The following FAT3 variants were observed in gnomAD, a reference collection of about 807,000 sequenced individuals.
FAT3 encodes the protein protocadherin Fat 3.
In FAT3, 95 loss-of-function variants were observed where a neutral mutation model predicts 310.2. The observed-to-expected ratio is 0.31, with a 90% confidence interval of 0.26 to 0.36. FAT3 has a LOEUF of 0.36. FAT3 is among the 10% of genes least tolerant of loss of function. The pLI is 1.00. For missense variants in FAT3, 5,408 were observed against 5,715.6 expected (o/e 0.95, Z 1.74); for synonymous variants, 2,314 against 2,192.9 (o/e 1.06, Z -1.54).
rs368233172 is a variant in FAT3, at chr11:92,882,998, G to A, written c.12542G>A (p.Arg4181His). 7.4e-6 allele frequency: 12 copies of A among 1,613,754 alleles called. No homozygotes were observed. Among genetic ancestry groups the A allele is most frequent in the South Asian group, 1.1e-5 (1 of 91,088 alleles). Residue 4181 changes from arginine (R) to histidine (H), a missense_variant, in exon 24 of 28, where the codon CGC (arginine) becomes CAC (histidine). Physicochemically the swap from Arg to His is conservative, Grantham distance 29 (BLOSUM62 0). This residue lies in a region of FAT3 where 649 missense variants were observed against 666.2 expected (regional missense o/e 0.97). Transcript: ENST00000525166. ...LFIVFRKKVFRKNYSRNNITL... is the reference protein window; with the variant it reads ...LFIVFRKKVFHKNYSRNNITL... ...ATAGTCTTCCGCAAGAAGGTCTTCC[G>A]CAAGAACTACTCCCGCAACAACATC...
chr11:92,364,552 A>T (rs555441099), intron 2 of FAT3, among the ~76,000 whole-genome samples: 2 of 152,248 alleles, frequency 1.3e-5, no homozygotes, highest in African/African-American at 4.8e-5. Flanking sequence ...ATAAATATTT[A>T]TGTGATGCCA....
In FAT3 at chr11:92,859,235, G is replaced by A. The variant is rs772393320; in HGVS notation, c.11571G>A (p.Glu3857=). 73 of 1,613,682 alleles carry A rather than the reference G, an allele frequency of 4.5e-5. No individual in the cohort carries two copies. In the African/African-American group the frequency reaches 6.8e-4, roughly 15 times the overall value. Residue 3857 remains glutamate (E), a synonymous_variant, in exon 21 of 28, where the codon GAG becomes GAA. Transcript: ENST00000525166. ...KYRLSENSKE[E]DFKLALRLRT... ...GGCTTTCTGAAAATAGCAAAGAAGA[G>A]GATTTCAAACTAGCTCTGCGTCTTC...
intron 13 of FAT3, among the ~76,000 whole-genome samples, chr11:92,815,076 C>T (rs938869210): frequency 1.4e-4 from 22 of 152,094 alleles, no homozygotes; most frequent in African/African-American, 5.3e-4. Context: ...TTTGTGAAGG[C>T]CACTTAATTA....
At chr11:92,306,462 TTATATA>T (rs1029680997) in intron 1 of FAT3, among the ~76,000 whole-genome samples, 4 of 138,042 alleles carry the variant, frequency 2.9e-5, no homozygotes, top group East Asian at 2.0e-4. Flanking sequence ...GCTCTCCACT[TTATATA>T]TATATAAACT....
chr11:92,651,246 G>A (rs768058241), intron 3 of FAT3, among the ~76,000 whole-genome samples: 6 of 152,350 alleles, frequency 3.9e-5, no homozygotes, highest in Middle Eastern at 3.4e-3. Flanking sequence ...TGCTCAGGCA[G>A]TTTGTGGTTT....
chr11:92,635,775 TG>T (rs1941745568), intron 3 of FAT3, among the ~76,000 whole-genome samples: 2 of 152,220 alleles, frequency 1.3e-5, no homozygotes, highest in Non-Finnish European at 2.9e-5. Flanking sequence ...ACAATCTTTT[TG>T]TTAAGGGAAG....
chr11:92,718,106 C>T (rs1294565220), intron 4 of FAT3, among the ~76,000 whole-genome samples: 1 of 152,046 alleles, frequency 6.6e-6, no homozygotes, highest in Non-Finnish European at 1.5e-5. Context: ...CCCCAAGAGA[C>T]CTGGCTTCTC....
rs1451461825 is a variant in FAT3, at chr11:92,617,150, A to C, written c.3608-80234A>C. ...ATATTTGGTCTTTTCACATAGTCTTATATTTCTTGGAGGCTTTGTTCATTT... is the reference window on the plus strand; with the variant it reads ...ATATTTGGTCTTTTCACATAGTCTTCTATTTCTTGGAGGCTTTGTTCATTT... On this transcript the variant is annotated intron_variant, in intron 3 of 27. Transcript: ENST00000525166. Among the ~76,000 whole-genome samples, 4 of 152,116 alleles carry C rather than the reference A, an allele frequency of 2.6e-5. 1 individual carries two copies. In the East Asian group the frequency reaches 7.7e-4, roughly 29 times the overall value.
intron 1 of FAT3, among the ~76,000 whole-genome samples, chr11:92,293,180 A>T (rs960990885): frequency 2.6e-5 from 4 of 151,626 alleles, no homozygotes; most frequent in African/African-American, 9.7e-5. Flanking sequence ...AACCTCCCTG[A>T]GCCTTTTTGG....
At chr11:92,410,693 G>A (rs1950237550) in intron 2 of FAT3, among the ~76,000 whole-genome samples, 1 of 151,990 alleles carries the variant, frequency 6.6e-6, no homozygotes, top group South Asian at 2.1e-4. Flanking sequence ...TAATTTTCCA[G>A]ATCAGTTTCT....
chr11:92,840,504 G>T, intron 17 of FAT3, 58 bp from the exon 18 acceptor site: 1 of 1,408,840 alleles, frequency 7.1e-7, no homozygotes, highest in South Asian at 1.6e-5. Context: ...TTGTTTTAAT[G>T]AATGTGAAGA....
chr11:92,735,861 T>C (rs1392204724), intron 4 of FAT3, among the ~76,000 whole-genome samples: 1 of 152,012 alleles, frequency 6.6e-6, no homozygotes, highest in Non-Finnish European at 1.5e-5. Flanking sequence ...TCTCTATATA[T>C]GTTTGTTGAA....
intron 3 of FAT3, among the ~76,000 whole-genome samples, chr11:92,682,564 A>G (rs948873828): frequency 1.3e-5 from 2 of 152,164 alleles, no homozygotes; most frequent in Non-Finnish European, 2.9e-5. Context: ...TTGACAATCT[A>G]CCATTTGGGA....
chr11:92,736,802 G>A (rs999181046), intron 4 of FAT3, among the ~76,000 whole-genome samples: 9 of 152,098 alleles, frequency 5.9e-5, no homozygotes, highest in Non-Finnish European at 1.0e-4. Flanking sequence ...TTATTTAAAA[G>A]ATCTCTCAGG....
chr11:92,444,620 C>T (rs1395371996), intron 2 of FAT3, among the ~76,000 whole-genome samples: 1 of 146,006 alleles, frequency 6.8e-6, no homozygotes, highest in Non-Finnish European at 1.5e-5. Flanking sequence ...ACCAAGCTCC[C>T]AAGAAGGAAA....
chr11:92,369,505 G>A lies in FAT3; in HGVS notation c.3292+14101G>A, dbSNP rs148415386. Among the ~76,000 whole-genome samples, 91 of 152,260 alleles carry A rather than the reference G, an allele frequency of 6.0e-4. No individual in the cohort carries two copies. The East Asian group carries it at 0.016, about 27-fold the overall frequency. On this transcript the variant is annotated intron_variant, in intron 2 of 27. Coordinates refer to ENST00000525166, the MANE Select transcript of FAT3 (RefSeq NM_001367949.2). ...ATGTGAGTGGATCTGGCTCTTTGGT[G>A]TCTCTGTATCGCTGGAGGAGGTGCC... is the stretch of plus-strand genomic sequence containing the variant.
At chr11:92,474,010 T>C (rs1179601296) in intron 2 of FAT3, among the ~76,000 whole-genome samples, 1 of 152,168 alleles carries the variant, frequency 6.6e-6, no homozygotes, top group Non-Finnish European at 1.5e-5. Flanking sequence ...ATAGATGCCT[T>C]GTCATTAGGT....
chr11:92,800,923 A>T lies in FAT3; in HGVS notation c.7910A>T (p.Tyr2637Phe). 1.2e-6 allele frequency: 2 copies of T among 1,612,816 alleles called. No individual in the cohort carries two copies. The highest frequency in any genetic ancestry group is 2.2e-5 in the East Asian group (1 of 44,788). Residue 2637 changes from tyrosine (Y) to phenylalanine (F), a missense_variant, in exon 10 of 28, where the codon TAT becomes TTT. By Grantham distance (22) the Tyr-to-Phe change is conservative. This residue lies in a region of FAT3 where 4,588 missense variants were observed against 4,809.8 expected (regional missense o/e 0.95). Transcript: ENST00000525166. ...PDDGANSRIT[Y>F]SLYSEASVSV... is the part of the protein sequence containing the mutation. ...GATGGAGCAAATTCAAGGATTACTT[A>T]TTCCCTCTATAGCGAGGCCTCTGTT...
intron 2 of FAT3, among the ~76,000 whole-genome samples, chr11:92,440,991 C>T (rs1274294451): frequency 2.0e-5 from 3 of 152,174 alleles, no homozygotes; most frequent in African/African-American, 7.2e-5. Context: ...GATGCAATTC[C>T]TGTGAGTTCA....
Sources: gnomAD v4.1 joint callset for allele counts (sites outside exome capture counted in the v4.1 genomes callset) on GRCh38, gnomAD v4.1.1 for gene constraint, gnomAD v4.1.1 regional missense constraint, MANE v1.5 for transcripts, NCBI Gene and HGNC (gene_info 2026-07-23, HGNC 2026-07-21) for gene names.